Variants in FARS2 observed in about 807,000 individuals in gnomAD.
FARS2 encodes the protein phenylalanyl-tRNA synthetase 2, mitochondrial, also known as phenylalanine--tRNA ligase, mitochondrial.
A neutral mutation model predicts 46.4 loss-of-function variants in FARS2; 40 were observed. The ratio of observed to expected loss-of-function variants is 0.86; its 90% confidence interval spans 0.67 to 1.12. The LOEUF is 1.12. FARS2 is among the 50% of genes most tolerant of loss of function. FARS2 has a pLI of 0.00. For synonymous variants in FARS2, 234 were observed against 214.9 expected (o/e 1.09, Z -0.78); for missense variants, 513 against 567.9 (o/e 0.90, Z 0.98).
chr6:5,492,349 T>C (rs143252604), intron 4 of FARS2, among the ~76,000 whole-genome samples: 87 of 152,292 alleles, frequency 5.7e-4, no homozygotes, highest in African/African-American at 2.1e-3. Flanking sequence ...GATAACTCAA[T>C]ACAGGACTGA....
intron 4 of FARS2, among the ~76,000 whole-genome samples, chr6:5,539,723 AG>A (rs1561697058): frequency 1.3e-5 from 2 of 152,160 alleles, no homozygotes; most frequent in Non-Finnish European, 2.9e-5. Context: ...ATTGATGTTA[AG>A]CCATTCTGTA....
At chr6:5,480,096 T>G (rs1766364881) in intron 4 of FARS2, among the ~76,000 whole-genome samples, 1 of 152,252 alleles carries the variant, frequency 6.6e-6, no homozygotes, top group African/African-American at 2.4e-5. Flanking sequence ...TCACGATTTT[T>G]ATCAACGACT....
At chr6:5,336,472 A>G (rs1771166034) in intron 1 of FARS2, among the ~76,000 whole-genome samples, 2 of 152,074 alleles carry the variant, frequency 1.3e-5, no homozygotes, top group Admixed American at 1.3e-4. Flanking sequence ...CCTATTTTCA[A>G]AAGTCCAGAT....
chr6:5,564,591 G>GT (rs1198599946), intron 5 of FARS2, among the ~76,000 whole-genome samples: 1 of 152,130 alleles, frequency 6.6e-6, no homozygotes, highest in East Asian at 1.9e-4. Flanking sequence ...CTCATTTTTG[G>GT]TAAAAACTAG....
chr6:5,508,379 G>T (rs1768225954), intron 4 of FARS2, among the ~76,000 whole-genome samples: 1 of 152,194 alleles, frequency 6.6e-6, no homozygotes, highest in South Asian at 2.1e-4. Context: ...GTTACCATTG[G>T]AATCTATAAG....
chr6:5,428,700 C>G (rs548985706), intron 3 of FARS2, among the ~76,000 whole-genome samples: 1 of 152,202 alleles, frequency 6.6e-6, no homozygotes, highest in Admixed American at 6.5e-5. Flanking sequence ...ATTGTTGGTC[C>G]CAAAGATGGG....
chr6:5,366,172 G>A (rs915097311), intron 1 of FARS2, among the ~76,000 whole-genome samples: 2 of 152,148 alleles, frequency 1.3e-5, no homozygotes, highest in Non-Finnish European at 2.9e-5. Context: ...TGGCTAGCTA[G>A]GCATATGAAT....
chr6:5,389,489 C>A (rs1166448658), intron 2 of FARS2, among the ~76,000 whole-genome samples: 1 of 152,158 alleles, frequency 6.6e-6, no homozygotes, highest in Non-Finnish European at 1.5e-5. Flanking sequence ...TATTAGCATT[C>A]TCTTGGGTCA....
rs9392090 is a variant in FARS2 at position 5,769,415 on chromosome 6, C to T, written c.1218-1876C>T. ...CTCTCAAAGCCAGGTTTTTCTGTCT[C>T]GCTGCGTTTTGGTGCCTGAAAGGCT... On this transcript the variant is annotated intron_variant, in intron 6 of 6. Transcript: ENST00000274680. 1.1e-3 allele frequency among the ~76,000 whole-genome samples: 163 copies of T among 152,332 alleles called. 4 individuals are homozygous for T. In the East Asian group the frequency reaches 0.026, roughly 24 times the overall value.
chr6:5,692,163 C>T (rs1325144939), intron 6 of FARS2, among the ~76,000 whole-genome samples: 11 of 152,224 alleles, frequency 7.2e-5, no homozygotes, highest in African/African-American at 1.7e-4. Flanking sequence ...TCCGCTGCTT[C>T]GGCTCATGCT....
At chr6:5,770,392 C>CTGT (rs988662515) in intron 6 of FARS2, among the ~76,000 whole-genome samples, 2 of 145,334 alleles carry the variant, frequency 1.4e-5, no homozygotes, top group Non-Finnish European at 3.0e-5. Context: ...TGGGTTGCCT[C>CTGT]TGTTGTTGTT....
At chr6:5,460,306 C>T (rs1341703569) in intron 4 of FARS2, among the ~76,000 whole-genome samples, 2 of 152,230 alleles carry the variant, frequency 1.3e-5, no homozygotes, top group Non-Finnish European at 2.9e-5. Context: ...TGACCTGCCC[C>T]TGCCTAGGCA....
intron 1 of FARS2, among the ~76,000 whole-genome samples, chr6:5,297,942 T>C (rs1403914426): frequency 6.6e-6 from 1 of 152,246 alleles, no homozygotes; most frequent in African/African-American, 2.4e-5. Flanking sequence ...GAAGTTTACT[T>C]TTAAATAAAA....
chr6:5,610,072 A>G, intron 5 of FARS2: 1 of 917,770 alleles, frequency 1.1e-6, no homozygotes, highest in Non-Finnish European at 1.8e-6. Context: ...ATTACCACAC[A>G]GTCCAGGAGC....
intron 6 of FARS2, among the ~76,000 whole-genome samples, chr6:5,674,163 A>G (rs1379710076): frequency 6.8e-6 from 1 of 147,820 alleles, no homozygotes; most frequent in Non-Finnish European, 1.5e-5. Flanking sequence ...TCAGTTTAAA[A>G]AGGATTCTTT....
intron 3 of FARS2, among the ~76,000 whole-genome samples, chr6:5,406,241 A>G (rs1582011192): frequency 1.3e-5 from 2 of 152,332 alleles, no homozygotes; most frequent in East Asian, 1.9e-4. Flanking sequence ...ATTAACATAA[A>G]GTAAGCTACA....
chr6:5,757,399 T>C (rs1471924769), intron 6 of FARS2, among the ~76,000 whole-genome samples: 1 of 152,186 alleles, frequency 6.6e-6, no homozygotes, highest in Non-Finnish European at 1.5e-5. Flanking sequence ...TTCTGTTTTA[T>C]TGAGACCTGG....
intron 1 of FARS2, among the ~76,000 whole-genome samples, chr6:5,264,949 A>C (rs1028520880): frequency 6.7e-6 from 1 of 148,384 alleles, no homozygotes; most frequent in East Asian, 2.0e-4. Context: ...TCATGCCACC[A>C]TGCCTGGCAG....
At chr6:5,414,724 T>C (rs1322149706) in intron 3 of FARS2, among the ~76,000 whole-genome samples, 1 of 152,070 alleles carries the variant, frequency 6.6e-6, no homozygotes, top group Non-Finnish European at 1.5e-5. Context: ...TATAAATATT[T>C]GTGGACAAGT....
Sources: allele counts gnomAD v4.1 joint callset (sites outside exome capture counted in the v4.1 genomes callset), GRCh38; gene constraint gnomAD v4.1.1; transcripts MANE v1.5; gene names NCBI Gene and HGNC (gene_info 2026-07-23, HGNC 2026-07-21).